Variants in CEP170B observed in about 807,000 individuals in gnomAD.
CEP170B encodes the protein centrosomal protein 170B.
CEP170B carries 55 observed loss-of-function variants against 120.6 expected under a neutral mutation model. The observed-to-expected ratio is 0.46, with a 90% CI of 0.37 to 0.57. The LOEUF is 0.57. Ranked by LOEUF, CEP170B falls within the 20% of genes least tolerant of loss-of-function variation. The pLI, the probability that CEP170B is intolerant of heterozygous loss-of-function variation, is 0.00. For missense variants in CEP170B, 2,212 were observed against 2,253.3 expected (o/e 0.98, Z 0.37); for synonymous variants, 1,033 against 954.5 (o/e 1.08, Z -1.52).
At chr14:104,865,198 C>CGGGCGG (rs1163517598), upstream of CEP170B, 2 of 13,400 alleles carry the variant, frequency 1.5e-4, no homozygotes, top group East Asian at 3.3e-3. The surrounding 1 kb of genome is among the most constrained non-coding windows in gnomAD (Gnocchi z 6.7). Flanking sequence ...GCGGCGCGGC[C>CGGGCGG]GGGCGGGGGC....
chr14:104,894,442 C>A (rs1207580915), intron 17 of CEP170B, 64 bp downstream of exon 17: 30 of 1,605,632 alleles, frequency 1.9e-5, no homozygotes, highest in Non-Finnish European at 2.6e-5. Flanking sequence ...CCTGGCTGGC[C>A]CCAAACCTTG....
Position 104,886,273 on chromosome 14 carries a change from A to G in CEP170B, c.2036-2A>G. ...CTAACCGGCTGCCTTTGTGCTCCACAGAGGATGGCCTGGGACGTAGAGGCG... is the reference window on the plus strand; with the variant it reads ...CTAACCGGCTGCCTTTGTGCTCCACGGAGGATGGCCTGGGACGTAGAGGCG... On this transcript the variant is annotated splice_acceptor_variant, in intron 11 of 18. Transcript: ENST00000414716. LOFTEE classifies it high-confidence loss of function. The G allele has an allele frequency of 1.3e-6, 2 of 1,527,224 alleles. No homozygotes were observed. Among genetic ancestry groups the G allele is most frequent in the Admixed American group, 2.0e-5 (1 of 50,122 alleles). 94.6% of individuals were successfully genotyped at this position (1,527,224 alleles called of 1,614,324 possible).
At chr14:104,892,728 C>T (rs1220011107) in intron 13 of CEP170B, among the ~76,000 whole-genome samples, 1 of 152,260 alleles carries the variant, frequency 6.6e-6, no homozygotes, top group Non-Finnish European at 1.5e-5. Context: ...TCTTTTCAGG[C>T]TCCGTCCCAG....
At chr14:104,872,837 G>A (rs916107091) in intron 2 of CEP170B, among the ~76,000 whole-genome samples, 2 of 152,244 alleles carry the variant, frequency 1.3e-5, no homozygotes, top group African/African-American at 4.8e-5. Context: ...GGCGTCAGAC[G>A]TGAACTTTGG....
Position 104,883,135 on chromosome 14 carries a change from C to G in CEP170B, c.678C>G (p.Phe226Leu), listed in dbSNP as rs12101026. ...CGTTCCGGCGGGAGCCCAGCTACTT[C>G]GAGATCCCCACGAAGGAGACCCCGC... ...GCSFRREPSY[F>L]EIPTKETPQP... Residue 226 changes from phenylalanine (F) to leucine (L), a missense_variant, in exon 8 of 19, where the codon TTC becomes TTG. Coordinates refer to ENST00000414716, the MANE Select transcript of CEP170B (RefSeq NM_001112726.3). 27 of 1,603,296 alleles carry G rather than the reference C, an allele frequency of 1.7e-5. No homozygotes were observed. The East Asian group carries it at 5.8e-4, about 35-fold the overall frequency.
At position 104,891,770 on chromosome 14, in the gene CEP170B, C is replaced by T. The variant is rs527337084; in HGVS notation, c.3879-1206C>T. 5.9e-5 allele frequency among the ~76,000 whole-genome samples: 9 copies of T among 151,650 alleles called. No individual in the cohort carries two copies. The highest frequency in any genetic ancestry group is 2.2e-4 in the African/African-American group (9 of 41,292). On this transcript the variant is annotated intron_variant, in intron 13 of 18. Transcript: ENST00000414716. The surrounding 1 kb of genome is among the most constrained non-coding windows in gnomAD (Gnocchi z 4.3). Reference sequence around the variant, plus strand: ...GGGTGAGCTGGAGCATGCCATATGACGGGGGCAGGAGGCCAGGGAGTGCTG... The same window carrying T: ...GGGTGAGCTGGAGCATGCCATATGATGGGGGCAGGAGGCCAGGGAGTGCTG...
rs1242671629 is a variant in CEP170B, at chr14:104,891,295, G to A, written c.3878+1537G>A. Among the ~76,000 whole-genome samples the A allele has an allele frequency of 6.6e-6, 1 of 152,118 alleles. No homozygotes were observed. Among genetic ancestry groups the A allele is most frequent in the Non-Finnish European group, 1.5e-5 (1 of 68,000 alleles). On this transcript the variant is annotated intron_variant, in intron 13 of 18. Coordinates refer to ENST00000414716, the MANE Select transcript of CEP170B (RefSeq NM_001112726.3). The surrounding 1 kb of genome is among the most constrained non-coding windows in gnomAD (Gnocchi z 4.3). ...AGTGGTCTTTGCCAAGCAGTGGTCA[G>A]TACTGCAAAGGCAGTCCCTGAAAGG...
chr14:104,884,285 C>G lies in CEP170B; in HGVS notation c.1506C>G (p.Asp502Glu), dbSNP rs983120860. The change falls in exon 9 of 19, where the codon GAC becomes GAG. Residue 502 changes from aspartate (D) to glutamate (E), a missense_variant. Physicochemically the swap from Asp to Glu is conservative, Grantham distance 45 (BLOSUM62 2). Around this residue, in one of 2 missense-constraint regions of CEP170B, gnomAD observed 2,166 missense variants for 2,166.7 expected, o/e 1.00. Transcript: ENST00000414716. ...GGCGCCGCTCCCGCCTGGCCCAGGA[C>G]TTCATGGCCCAGTGTCTGCGGGAGA... ...SVGRRSRLAQ[D>E]FMAQCLRESS... is the part of the protein sequence containing the mutation. 32 of 1,544,654 alleles carry G rather than the reference C, an allele frequency of 2.1e-5. No homozygotes were observed. The East Asian group carries it at 7.8e-4, about 38-fold the overall frequency.
intron 8 of CEP170B, among the ~76,000 whole-genome samples, 157 bp from the exon 9 acceptor site, chr14:104,883,674 C>T (rs575348271): frequency 1.4e-4 from 22 of 152,274 alleles, no homozygotes; most frequent in Non-Finnish European, 7.4e-5. Flanking sequence ...TCCGGTCCTG[C>T]GTCTTCCCGT....
In CEP170B at chr14:104,877,865, C is replaced by CT. The variant is rs1005267983; in HGVS notation, c.196-20_196-19insT. The CT allele has an allele frequency of 8.6e-7, 1 of 1,168,364 alleles. No individual in the cohort carries two copies. The highest frequency in any genetic ancestry group is 2.4e-5 in the Admixed American group (1 of 41,158). The allele number at this position is 1,168,364 out of a possible 1,614,324, so 72.4% of individuals were successfully genotyped here. On this transcript the variant is annotated intron_variant, in intron 3 of 18. Transcript: ENST00000414716. ...ACCCGCGCAGCTCCCCCCCCCCCCC[C>CT]GCCACCTGTTTTCCTGCAGACGTTT...
rs1469992857 is a variant in CEP170B at position 104,887,301 on chromosome 14, G to A, written c.3062G>A (p.Gly1021Asp). Residue 1021 changes from glycine to aspartate, a missense_variant, in exon 12 of 19, where the codon GGC becomes GAC. Gly to Asp is a moderately conservative substitution (Grantham distance 94, BLOSUM62 -1). This residue lies in a region of CEP170B where 2,166 missense variants were observed against 2,166.7 expected (regional missense o/e 1.00). Coordinates refer to ENST00000414716, the MANE Select transcript of CEP170B (RefSeq NM_001112726.3). The part of the protein sequence containing the change: ...QHHPLGPTDM[G>D]RGEPVRRSAI... ...CACCCACTTGGCCCGACGGACATGGGCCGTGGAGAGCCGGTACGGCGCTCA... is the reference window on the plus strand; with the variant it reads ...CACCCACTTGGCCCGACGGACATGGACCGTGGAGAGCCGGTACGGCGCTCA... 2 of 1,609,714 alleles carry A rather than the reference G, an allele frequency of 1.2e-6. No individual in the cohort carries two copies. Among genetic ancestry groups the A allele is most frequent in the Non-Finnish European group, 1.7e-6 (2 of 1,179,110 alleles).
rs190894412 is a variant in CEP170B, at chr14:104,868,868, G to T, written c.105+313G>T. ...GGGGTCCCTAGAAGCGTGAGTTGGC[G>T]TCCTTTTGCAGAGAGGGAGCTGAGG... On this transcript the variant is annotated intron_variant, in intron 2 of 18. Transcript: ENST00000414716. The surrounding 1 kb of genome is among the most constrained non-coding windows in gnomAD (Gnocchi z 5.9). Among the ~76,000 whole-genome samples the T allele has an allele frequency of 6.6e-6, 1 of 152,138 alleles. No individual in the cohort carries two copies. The highest frequency in any genetic ancestry group is 2.4e-5 in the African/African-American group (1 of 41,394).
In CEP170B at chr14:104,872,341, T is replaced by TGGGTGTGC. The variant is rs1407863985; in HGVS notation, c.105+3787_105+3788insGGTGTGCG. Among the ~76,000 whole-genome samples the TGGGTGTGC allele has an allele frequency of 4.4e-5, 5 of 113,362 alleles. 1 individual carries two copies. The highest frequency in any genetic ancestry group is 1.4e-4 in the African/African-American group (4 of 27,778). 74.4% of individuals were successfully genotyped at this position (113,362 alleles called of 152,430 possible). On this transcript the variant is annotated intron_variant, in intron 2 of 18. Coordinates refer to ENST00000414716, the MANE Select transcript of CEP170B (RefSeq NM_001112726.3). ...TGCCGTGGGTGTGCGTGGGTGTGCG[T>TGGGTGTGC]GTGTGTGCGTGTGTGTGCCGCGTGT...
At chr14:104,878,185 C>T (rs562023525) in intron 4 of CEP170B, among the ~76,000 whole-genome samples, 1 of 152,102 alleles carries the variant, frequency 6.6e-6, no homozygotes, top group South Asian at 2.1e-4. Flanking sequence ...CGGGTACCTG[C>T]TGCTTGCCCA....
chr14:104,893,998 T>A, intron 16 of CEP170B, 149 bp downstream of exon 16: 4 of 783,256 alleles, frequency 5.1e-6, no homozygotes, highest in South Asian at 5.0e-5. Flanking sequence ...CACGTGTATG[T>A]GGCTCCCAGC....
rs1048455984 is a variant in CEP170B at position 104,896,232 on chromosome 14, G to A, written c.*1274G>A. ...GGACTGGAGGCTGGAAGCGGGTGGT[G>A]TGTGTCCCCTGTTTACTTTTAGCTG... is the stretch of plus-strand genomic sequence containing the variant. On this transcript the variant is annotated 3_prime_UTR_variant, in exon 19 of 19. Transcript: ENST00000414716. 4.3e-5 allele frequency: 11 copies of A among 253,552 alleles called. No individual in the cohort carries two copies. Among genetic ancestry groups the A allele is most frequent in the Admixed American group, 2.9e-4 (6 of 20,396 alleles). The allele number at this position is 253,552 out of a possible 1,614,324, so 15.7% of individuals were successfully genotyped here. A position where few individuals can be genotyped will look rare whatever the true frequency, so the allele number is the denominator to read the frequency against.
At chr14:104,877,447 G>A (rs75701963) in intron 3 of CEP170B, among the ~76,000 whole-genome samples, 1,705 of 152,292 alleles carry the variant, frequency 0.011, 40 homozygotes, top group African/African-American at 0.039. Context: ...AGCCTGGAGG[G>A]GGGTATCAGA....
intron 2 of CEP170B, among the ~76,000 whole-genome samples, chr14:104,872,318 C>CCATGGGTGTG: frequency 1.7e-5 from 1 of 57,826 alleles, no homozygotes; most frequent in Admixed American, 2.0e-4. Context: ...TGCGTGTGTG[C>CCATGGGTGTG]CGTGGGTGTG....
rs905355021 is a variant in CEP170B, at chr14:104,896,691, T to C, written c.*1733T>C. The stretch of plus-strand genomic sequence containing the variant: ...GTGGCTGTCTTTCGGAAAATGGTTA[T>C]TTTATATGATTTGTCATGGAATTTG... On this transcript the variant is annotated 3_prime_UTR_variant, in exon 19 of 19. Transcript: ENST00000414716. 6.6e-6 allele frequency: 3 copies of C among 455,954 alleles called. No homozygotes were observed. Among genetic ancestry groups the C allele is most frequent in the Non-Finnish European group, 1.3e-5 (3 of 226,850 alleles). The allele number at this position is 455,954 out of a possible 1,614,324, so 28.2% of individuals were successfully genotyped here.
Sources: gnomAD v4.1 joint callset for allele counts (sites outside exome capture counted in the v4.1 genomes callset) on GRCh38, gnomAD v4.1.1 for gene constraint, gnomAD v4.1.1 regional missense constraint, Gnocchi (gnomAD v3.1) non-coding constraint, MANE v1.5 for transcripts, NCBI Gene and HGNC (gene_info 2026-07-23, HGNC 2026-07-21) for gene names.